Variants in LOC400499 observed in about 807,000 individuals in gnomAD.
At chr16:11,451,544 C>G in the LOC400499 span, among the ~76,000 whole-genome samples, 1 of 140,826 alleles carries the variant, frequency 7.1e-6, no homozygotes, top group Non-Finnish European at 1.6e-5. Flanking sequence ...GAGGGAGACC[C>G]TGTCTCAAAA....
At chr16:11,469,744 C>T in the LOC400499 span, 3,311 of 398,556 alleles carry the variant, frequency 8.3e-3, 119 homozygotes, top group African/African-American at 0.063. Context: ...TCCTCACAAT[C>T]CCCCAACCAG....
At chr16:11,432,072 G>A in the LOC400499 span, among the ~76,000 whole-genome samples, 1 of 152,346 alleles carries the variant, frequency 6.6e-6, no homozygotes, top group South Asian at 2.1e-4. Context: ...AGAGGGGGAT[G>A]CACATGGAAG....
the LOC400499 span, among the ~76,000 whole-genome samples, chr16:11,428,941 GA>G: frequency 6.6e-6 from 1 of 152,128 alleles, no homozygotes; most frequent in East Asian, 1.9e-4. Context: ...ATGGGAGGGG[GA>G]GGGGGAGAAG....
the LOC400499 span, among the ~76,000 whole-genome samples, chr16:11,425,820 G>A: frequency 6.6e-6 from 1 of 152,162 alleles, no homozygotes; most frequent in Non-Finnish European, 1.5e-5. Flanking sequence ...TCAGAAAAGA[G>A]AAGAGATGAG....
At chr16:11,494,347 T>A in the LOC400499 span, among the ~76,000 whole-genome samples, 1 of 105,254 alleles carries the variant, frequency 9.5e-6, no homozygotes, top group East Asian at 3.5e-4. Context: ...CTCAGTGGTG[T>A]TGGGGGGCAG....
the LOC400499 span, chr16:11,393,457 CCTCT>C: frequency 8.1e-7 from 1 of 1,232,356 alleles, no homozygotes; most frequent in Non-Finnish European, 1.0e-6. Flanking sequence ...CTCACTTTCT[CCTCT>C]CTGTTGTCCA....
chr16:11,511,594 G>A, the LOC400499 span, among the ~76,000 whole-genome samples: 2 of 152,116 alleles, frequency 1.3e-5, no homozygotes, highest in Non-Finnish European at 2.9e-5. Context: ...GACACAAAAG[G>A]GCACACTTTA....
the LOC400499 span, chr16:11,392,038 C>T: frequency 7.5e-6 from 3 of 402,080 alleles, no homozygotes; most frequent in Non-Finnish European, 1.3e-5. Context: ...CACAGAGGCA[C>T]CCAAGCCTTG....
At chr16:11,385,078 G>A in the LOC400499 span, 99 of 1,232,206 alleles carry the variant, frequency 8.0e-5, no homozygotes, top group African/African-American at 1.4e-3. Flanking sequence ...GTGGGCCAGA[G>A]GGGGCTGGGC....
the LOC400499 span, among the ~76,000 whole-genome samples, chr16:11,499,491 A>T: frequency 3.3e-5 from 5 of 152,096 alleles, no homozygotes; most frequent in African/African-American, 1.2e-4. Context: ...TTGGGACCCA[A>T]TCTGGGCCTG....
chr16:11,444,123 G>T, the LOC400499 span, among the ~76,000 whole-genome samples: 1 of 152,092 alleles, frequency 6.6e-6, no homozygotes, highest in Non-Finnish European at 1.5e-5. Flanking sequence ...TTACATGTGT[G>T]AGCCACCACA....
the LOC400499 span, among the ~76,000 whole-genome samples, chr16:11,422,769 C>A: frequency 1.1e-4 from 17 of 152,182 alleles, no homozygotes; most frequent in Non-Finnish European, 2.2e-4. Context: ...TTCCTGCCTG[C>A]ACCCTCGGCA....
the LOC400499 span, among the ~76,000 whole-genome samples, chr16:11,470,201 C>G: frequency 6.6e-6 from 1 of 152,200 alleles, no homozygotes; most frequent in Non-Finnish European, 1.5e-5. Flanking sequence ...TGAGCCACTG[C>G]GCCTGGCCTC....
the LOC400499 span, chr16:11,472,314 T>C: frequency 1.3e-5 from 2 of 151,994 alleles, no homozygotes; most frequent in Admixed American, 1.3e-4. Context: ...TGCCTCAGCC[T>C]CCCGGGTAGC....
the LOC400499 span, among the ~76,000 whole-genome samples, chr16:11,517,056 C>A: frequency 5.9e-5 from 9 of 152,136 alleles, no homozygotes; most frequent in Admixed American, 5.9e-4. Flanking sequence ...CCAAAAGGAA[C>A]CTAATTGTCA....
At chr16:11,525,071 C>G in the LOC400499 span, among the ~76,000 whole-genome samples, 1 of 152,054 alleles carries the variant, frequency 6.6e-6, no homozygotes, top group African/African-American at 2.4e-5. Flanking sequence ...ATGGCTTGAG[C>G]TCAGGAGTTC....
At chr16:11,518,600 G>A in the LOC400499 span, among the ~76,000 whole-genome samples, 890 of 152,228 alleles carry the variant, frequency 5.8e-3, 11 homozygotes, top group African/African-American at 0.02. Context: ...ACTACGGGAT[G>A]AGTTCCTCCC....
the LOC400499 span, among the ~76,000 whole-genome samples, chr16:11,442,703 G>A: frequency 6.6e-6 from 1 of 152,122 alleles, no homozygotes; most frequent in African/African-American, 2.4e-5. Flanking sequence ...GATTTTCAAT[G>A]GTAGCAATTA....
At chr16:11,488,948 C>A in the LOC400499 span, 49 of 397,400 alleles carry the variant, frequency 1.2e-4, no homozygotes, top group African/African-American at 9.2e-4. Context: ...AAGACCCTCC[C>A]GACCCCCATC....
Sources: allele counts gnomAD v4.1 joint callset (sites outside exome capture counted in the v4.1 genomes callset), GRCh38; gene constraint gnomAD v4.1.1; transcripts MANE v1.5.